The following DPP10 variants were observed in gnomAD, a reference collection of about 807,000 sequenced individuals.
The protein encoded by DPP10 is inactive dipeptidyl peptidase 10.
DPP10 carries 33 observed loss-of-function variants against 120.9 expected under a neutral mutation model. The ratio of observed to expected loss-of-function variants is 0.27; its 90% CI spans 0.21 to 0.37. The LOEUF (loss-of-function observed/expected upper bound fraction) is 0.37, where lower values mean the gene tolerates loss of function less well. Among genes scored for constraint, DPP10 ranks in the 10% least tolerant of loss-of-function variants. The pLI, the probability that DPP10 is intolerant of heterozygous loss-of-function variation, is 1.00. For missense variants in DPP10, 816 were observed against 942.8 expected, an observed-to-expected ratio of 0.87 and a Z score of 1.76; for synonymous variants, 337 against 326.1, an observed-to-expected ratio of 1.03 and a Z score of -0.36.
At chr2:115,159,700 A>G (rs543582298) in intron 1 of DPP10, among the ~76,000 whole-genome samples, 1 of 152,326 alleles carries the variant, frequency 6.6e-6, no homozygotes, top group African/African-American at 2.4e-5. Flanking sequence ...AAATCAAAGA[A>G]GCATTTTATA....
At chr2:114,714,359 T>C (rs1701223116) in intron 1 of DPP10, among the ~76,000 whole-genome samples, 1 of 152,220 alleles carries the variant, frequency 6.6e-6, no homozygotes, top group Admixed American at 6.5e-5. Context: ...AATTAATACT[T>C]ATACCTTGGA....
chr2:114,760,517 A>G (rs1381066259), intron 1 of DPP10, among the ~76,000 whole-genome samples: 1 of 151,092 alleles, frequency 6.6e-6, no homozygotes, highest in Admixed American at 6.6e-5. Context: ...TCAATTCCTT[A>G]CTGTTTTTTA....
intron 2 of DPP10, 62 bp downstream of exon 2, chr2:115,309,415 A>C: frequency 2.0e-6 from 3 of 1,511,820 alleles, no homozygotes; most frequent in African/African-American, 2.7e-5. Flanking sequence ...TTCGCATTCA[A>C]ATGCCTTAAG....
chr2:115,453,011 A>G (rs1405602124), intron 3 of DPP10, among the ~76,000 whole-genome samples: 8 of 151,768 alleles, frequency 5.3e-5, no homozygotes, highest in South Asian at 4.1e-4. Context: ...TTTAAAATCC[A>G]TAATTAGGCA....
intron 1 of DPP10, among the ~76,000 whole-genome samples, chr2:114,763,619 T>C (rs1033502402): frequency 3.9e-5 from 6 of 152,152 alleles, no homozygotes; most frequent in African/African-American, 1.2e-4. Flanking sequence ...TATATGATAA[T>C]AAGTTCCAAT....
At chr2:115,511,728 CTTCT>C (rs1314577929) in intron 4 of DPP10, among the ~76,000 whole-genome samples, 1 of 71,190 alleles carries the variant, frequency 1.4e-5, no homozygotes, top group African/African-American at 6.6e-5. Flanking sequence ...TCTTCTTCTT[CTTCT>C]TTTTTTTTTT....
chr2:115,305,074 C>T, intron 1 of DPP10, among the ~76,000 whole-genome samples: 1 of 152,012 alleles, frequency 6.6e-6, no homozygotes, highest in East Asian at 1.9e-4. Context: ...CTGATGCATC[C>T]ATCCACCGGG....
chr2:115,662,989 T>C (rs1286380056), intron 5 of DPP10, among the ~76,000 whole-genome samples: 1 of 73,600 alleles, frequency 1.4e-5, no homozygotes, highest in Non-Finnish European at 3.9e-5. Context: ...AAATTTTTAT[T>C]TTTTATTTTA....
At chr2:115,745,921 G>A (rs1053042114) in intron 9 of DPP10, among the ~76,000 whole-genome samples, 165 bp from the exon 10 acceptor site, 5 of 152,146 alleles carry the variant, frequency 3.3e-5, no homozygotes, top group Non-Finnish European at 7.4e-5. Context: ...AAAAACAATT[G>A]AGGGCAATCA....
rs117021197 is a variant in DPP10 at position 115,567,622 on chromosome 2, T to A, written c.441+41650T>A. ...CTCTCTAATGGATAAGCACTTCAAT[T>A]GCTTTCAAGTTTTAGCGATTACAAA... On this transcript the variant is annotated intron_variant, in intron 5 of 25. Transcript: ENST00000410059. 1.9e-4 allele frequency among the ~76,000 whole-genome samples: 29 copies of A among 152,290 alleles called. No individual in the cohort carries two copies. In the East Asian group the frequency reaches 5.2e-3, roughly 27 times the overall value.
chr2:115,711,927 T>G (rs1321659207), intron 7 of DPP10, among the ~76,000 whole-genome samples: 2 of 149,106 alleles, frequency 1.3e-5, no homozygotes, highest in Non-Finnish European at 3.0e-5. Flanking sequence ...TTTTTTTTTT[T>G]TTTTTTTTTT....
At chr2:114,768,402 T>A (rs913371823) in intron 1 of DPP10, among the ~76,000 whole-genome samples, 1 of 152,182 alleles carries the variant, frequency 6.6e-6, no homozygotes, top group Non-Finnish European at 1.5e-5. Context: ...GAATAAATGA[T>A]CACGACAACA....
intron 1 of DPP10, among the ~76,000 whole-genome samples, chr2:115,129,819 G>C (rs1398743610): frequency 2.0e-5 from 3 of 152,132 alleles, no homozygotes; most frequent in Non-Finnish European, 4.4e-5. Flanking sequence ...TCCAGACATA[G>C]TGATTCAGAA....
intron 3 of DPP10, among the ~76,000 whole-genome samples, chr2:115,396,119 A>T (rs530993032): frequency 3.9e-5 from 6 of 152,122 alleles, no homozygotes; most frequent in African/African-American, 1.2e-4. Context: ...GTTTAAGATC[A>T]CATTCCAGGC....
chr2:115,750,024 G>T, intron 10 of DPP10: 1 of 985,312 alleles, frequency 1.0e-6, no homozygotes, highest in Non-Finnish European at 1.2e-6. Flanking sequence ...GACTTCCTGG[G>T]TAATCCAGAG....
intron 21 of DPP10, among the ~76,000 whole-genome samples, chr2:115,822,626 G>C (rs769663142): frequency 6.6e-6 from 1 of 151,878 alleles, no homozygotes; most frequent in Non-Finnish European, 1.5e-5. Flanking sequence ...TTTCTAGTAT[G>C]TGCATAGTTA....
At chr2:115,602,361 C>T (rs1351852588) in intron 5 of DPP10, among the ~76,000 whole-genome samples, 2 of 152,200 alleles carry the variant, frequency 1.3e-5, no homozygotes, top group Admixed American at 1.3e-4. Context: ...AGTAAATGCT[C>T]ATTTTTAGCA....
intron 1 of DPP10, among the ~76,000 whole-genome samples, chr2:114,707,426 A>G (rs754678342): frequency 2.6e-5 from 4 of 152,172 alleles, no homozygotes; most frequent in Non-Finnish European, 5.9e-5. Context: ...CACTGTTGTT[A>G]GTTGTTACCA....
chr2:115,468,146 G>T (rs969793500), intron 3 of DPP10: 7 of 493,826 alleles, frequency 1.4e-5, no homozygotes, highest in South Asian at 5.9e-5. Context: ...CACCAACCTT[G>T]ACTTCTAAAT....
Sources: gnomAD v4.1 joint callset for allele counts (sites outside exome capture counted in the v4.1 genomes callset) on GRCh38, gnomAD v4.1.1 for gene constraint, MANE v1.5 for transcripts, NCBI Gene and HGNC (gene_info 2026-07-23, HGNC 2026-07-21) for gene names.